CSGALNACT1: variants seen among roughly 807,000 people sequenced by gnomAD.
CSGALNACT1 encodes beta4GalNAcT-1.
In CSGALNACT1, 52 loss-of-function variants were observed where a neutral mutation model predicts 51.0. The observed-to-expected ratio is 1.02, with a 90% CI of 0.82 to 1.29. The LOEUF (loss-of-function observed/expected upper bound fraction) is 1.29. Among genes scored for constraint, CSGALNACT1 ranks in the 50% most tolerant of loss-of-function variants. CSGALNACT1 has a pLI of 0.00. For missense variants in CSGALNACT1, 935 were observed against 679.2 expected, an observed-to-expected ratio of 1.38 and a Z score of -4.19; for synonymous variants, 341 against 254.4, an observed-to-expected ratio of 1.34 and a Z score of -3.24.
intron 5 of CSGALNACT1, among the ~76,000 whole-genome samples, chr8:19,444,247 A>G (rs770592746): frequency 6.6e-6 from 1 of 152,088 alleles, no homozygotes; most frequent in Non-Finnish European, 1.5e-5. Flanking sequence ...TACTTTTAAC[A>G]CCCAACGCAA....
intron 4 of CSGALNACT1, among the ~76,000 whole-genome samples, chr8:19,492,934 C>T (rs530987236): frequency 1.3e-5 from 2 of 152,144 alleles, no homozygotes; most frequent in East Asian, 1.9e-4. Context: ...TTGTGCCCTG[C>T]CTCGCCTGTC....
In CSGALNACT1 at chr8:19,754,713, T is replaced by C. The variant is rs111416810; in HGVS notation, c.-297+3137A>G. 4.6e-5 allele frequency among the ~76,000 whole-genome samples: 7 copies of C among 152,336 alleles called. 2 individuals carry two copies. Among genetic ancestry groups the C allele is most frequent in the African/African-American group, 1.7e-4 (7 of 41,574 alleles). On this transcript the variant is annotated intron_variant, in intron 1 of 1. Transcript: ENST00000517494. ...ACAAGGTTGCCCTTTTCTAATAAAG[T>C]ATTCCATGTCGTGAACCCAGGAAGT...
intron 1 of CSGALNACT1, among the ~76,000 whole-genome samples, chr8:19,633,722 T>C (rs958057941): frequency 3.9e-5 from 6 of 152,250 alleles, no homozygotes; most frequent in Non-Finnish European, 7.3e-5. Context: ...CCTCCAGGAC[T>C]GTGAGACGGT....
intron 2 of CSGALNACT1, among the ~76,000 whole-genome samples, chr8:19,596,746 T>C (rs895999313): frequency 1.3e-5 from 2 of 152,188 alleles, no homozygotes; most frequent in African/African-American, 4.8e-5. Context: ...CTCTAAAAAA[T>C]CTAATTCCTT....
At chr8:19,612,262 G>C (rs1206077384) in intron 1 of CSGALNACT1, among the ~76,000 whole-genome samples, 4 of 151,882 alleles carry the variant, frequency 2.6e-5, no homozygotes, top group Admixed American at 1.3e-4. Flanking sequence ...AGAATTGCTT[G>C]AGCCTGGGAG....
chr8:19,695,293 C>T (rs941600220), intron 1 of CSGALNACT1, among the ~76,000 whole-genome samples: 6 of 152,104 alleles, frequency 3.9e-5, no homozygotes, highest in African/African-American at 1.4e-4. Flanking sequence ...CTTAGGTCTT[C>T]CCACTCATTT....
intron 4 of CSGALNACT1, among the ~76,000 whole-genome samples, chr8:19,486,064 C>A (rs113859289): frequency 0.01 from 1,577 of 151,808 alleles, 28 homozygotes; most frequent in African/African-American, 0.036. Context: ...CCGTACTCAG[C>A]TGCCACTTAA....
At chr8:19,622,111 A>G (rs2053899021) in intron 1 of CSGALNACT1, among the ~76,000 whole-genome samples, 1 of 152,208 alleles carries the variant, frequency 6.6e-6, no homozygotes, top group Non-Finnish European at 1.5e-5. Flanking sequence ...ACAGTGGAAC[A>G]CGGTTATGTA....
intron 3 of CSGALNACT1, among the ~76,000 whole-genome samples, chr8:19,512,278 A>G (rs1020066267): frequency 2.6e-5 from 4 of 152,092 alleles, no homozygotes; most frequent in Non-Finnish European, 5.9e-5. Flanking sequence ...CCTGCCGGCA[A>G]CCCCCTGAAA....
chr8:19,504,213 T>A lies in CSGALNACT1; in HGVS notation c.634+988A>T, dbSNP rs914748162. ...TGCCTCAGCCTCCCAAGTAGCTGGG[T>A]CTACAGGCGCCCGCCACCAGGCCCG... On this transcript the variant is annotated intron_variant, in intron 4 of 9. Coordinates refer to ENST00000454498, the Ensembl canonical transcript of CSGALNACT1. Among the ~76,000 whole-genome samples the A allele has an allele frequency of 5.3e-5, 8 of 152,144 alleles. No homozygotes were observed. The South Asian group carries it at 1.7e-3, about 32-fold the overall frequency.
intron 9 of CSGALNACT1, among the ~76,000 whole-genome samples, chr8:19,407,254 A>C (rs1021277613): frequency 6.6e-6 from 1 of 151,634 alleles, no homozygotes; most frequent in Non-Finnish European, 1.5e-5. Flanking sequence ...AGTTCATGTC[A>C]TCTCTGAACA....
At chr8:19,586,988 G>C (rs2046805432) in intron 3 of CSGALNACT1, among the ~76,000 whole-genome samples, 2 of 152,188 alleles carry the variant, frequency 1.3e-5, no homozygotes, top group African/African-American at 4.8e-5. Context: ...TCATGTGCTT[G>C]TCCTTCAATA....
At chr8:19,570,792 TG>T (rs1398365686) in intron 3 of CSGALNACT1, among the ~76,000 whole-genome samples, 1 of 151,954 alleles carries the variant, frequency 6.6e-6, no homozygotes, top group Non-Finnish European at 1.5e-5. Context: ...CCCAGCTACT[TG>T]GGAGGCTGAA....
At chr8:19,406,206 G>C (rs1410407459) in intron 9 of CSGALNACT1, 137 bp from the exon 9 acceptor site, 8 of 1,021,126 alleles carry the variant, frequency 7.8e-6, no homozygotes, top group African/African-American at 1.6e-5. Context: ...CAAGGTACGA[G>C]AGTGTCCACC....
At chr8:19,703,370 C>A (rs2061985103) in intron 1 of CSGALNACT1, among the ~76,000 whole-genome samples, 1 of 152,198 alleles carries the variant, frequency 6.6e-6, no homozygotes, top group Non-Finnish European at 1.5e-5. Flanking sequence ...GCGGCGGGAT[C>A]TCAGCTCACT....
chr8:19,519,321 T>C (rs1211274314), intron 3 of CSGALNACT1, among the ~76,000 whole-genome samples: 2 of 152,200 alleles, frequency 1.3e-5, no homozygotes, highest in Non-Finnish European at 2.9e-5. Context: ...GAAACCAGGA[T>C]TCAGCAGGAC....
chr8:19,737,804 C>T (rs570134855), intron 1 of CSGALNACT1, among the ~76,000 whole-genome samples: 2 of 152,138 alleles, frequency 1.3e-5, no homozygotes, highest in African/African-American at 4.8e-5. Flanking sequence ...AAAGGATACA[C>T]AAAATATTAT....
rs543771804 is a variant in CSGALNACT1 at position 19,516,578 on chromosome 8, G to A, written c.-296-10448C>T. On this transcript the variant is annotated intron_variant, in intron 3 of 9. Coordinates refer to ENST00000454498, the Ensembl canonical transcript of CSGALNACT1. ...CATTTACACATCTCTCAACAGCTAG[G>A]CAAACTCACACTATCCTGACAAATA... 3.3e-5 allele frequency among the ~76,000 whole-genome samples: 5 copies of A among 152,258 alleles called. No individual in the cohort carries two copies. In the South Asian group the frequency reaches 1.0e-3, roughly 32 times the overall value.
intron 3 of CSGALNACT1, among the ~76,000 whole-genome samples, chr8:19,523,545 C>T (rs898079953): frequency 6.6e-6 from 1 of 152,132 alleles, no homozygotes; most frequent in African/African-American, 2.4e-5. Flanking sequence ...GGTGAGATTA[C>T]AGGCAGGAGC....
Sources: allele counts gnomAD v4.1 joint callset (sites outside exome capture counted in the v4.1 genomes callset), GRCh38; gene constraint gnomAD v4.1.1; transcripts MANE v1.5; gene names NCBI Gene and HGNC (gene_info 2026-07-23, HGNC 2026-07-21).